Variants in SAMD5 observed in about 807,000 individuals in gnomAD.
The protein encoded by SAMD5 is sterile alpha motif domain containing 5.
SAMD5 carries 13 observed loss-of-function variants against 11.3 expected under a neutral mutation model. That is an observed-to-expected ratio of 1.15 (90% CI 0.75 to 1.83). The LOEUF (loss-of-function observed/expected upper bound fraction) is 1.83, where lower values mean the gene tolerates loss of function less well. Among genes scored for constraint, SAMD5 ranks in the 40% most tolerant of loss-of-function variants. The probability of loss-of-function intolerance (pLI) is 0.00; values close to 1 mark genes in which losing one functional copy is unlikely to be tolerated. For synonymous variants in SAMD5, 129 were observed against 111.3 expected (o/e 1.16, Z -1.00); for missense variants, 255 against 239.1 (o/e 1.07, Z -0.44).
intron 1 of SAMD5, among the ~76,000 whole-genome samples, chr6:147,673,315 G>A (rs777093428): frequency 2.6e-5 from 4 of 151,856 alleles, no homozygotes; most frequent in African/African-American, 4.8e-5. Context: ...CTGGGTTCAC[G>A]CCATTCTCCT....
the SAMD5 span, among the ~76,000 whole-genome samples, chr6:147,865,927 G>A: frequency 0.78 from 119,197 of 152,100 alleles, 46,978 homozygotes; most frequent in African/African-American, 0.87. Flanking sequence ...TATTTGAATA[G>A]TAAGCACAAT....
At chr6:147,851,620 A>G in the SAMD5 span, among the ~76,000 whole-genome samples, 1 of 152,150 alleles carries the variant, frequency 6.6e-6, no homozygotes. Context: ...TGATTTTTTT[A>G]TGACCAGGCT....
At chr6:147,868,976 G>A in the SAMD5 span, among the ~76,000 whole-genome samples, 43 of 152,182 alleles carry the variant, frequency 2.8e-4, no homozygotes, top group African/African-American at 9.9e-4. Context: ...TGATGGAAAG[G>A]GGAATTAAGA....
chr6:147,572,803 T>C (rs558336070), downstream of SAMD5, among the ~76,000 whole-genome samples: 1 of 152,240 alleles, frequency 6.6e-6, no homozygotes, highest in Non-Finnish European at 1.5e-5. Flanking sequence ...TGATGTGTCT[T>C]GCACAAACCC....
rs1329763323 is a variant in SAMD5 at position 147,566,953 on chromosome 6, AT to A, written c.*2502del. ...TATCTAAACACCAATAATATACTTAATTTTTGAATATAAAAGAAGTAGCAAT... is the reference window on the plus strand; with the variant it reads ...TATCTAAACACCAATAATATACTTAATTTTGAATATAAAAGAAGTAGCAAT... On this transcript the variant is annotated 3_prime_UTR_variant, in exon 2 of 2. Transcript: ENST00000367474. The A allele has an allele frequency of 3.5e-6, 3 of 860,428 alleles. No homozygotes were observed. Among genetic ancestry groups the A allele is most frequent in the Non-Finnish European group, 4.2e-6 (3 of 716,508 alleles). The allele number at this position is 860,428 out of a possible 1,614,324, so 53.3% of individuals were successfully genotyped here. A position where few individuals can be genotyped will look rare whatever the true frequency, so the allele number is the denominator to read the frequency against.
chr6:147,786,152 G>T, the SAMD5 span, among the ~76,000 whole-genome samples: 12 of 152,238 alleles, frequency 7.9e-5, no homozygotes, highest in Admixed American at 2.0e-4. Context: ...TTCATCTCTA[G>T]CTTTCTTGTT....
the SAMD5 span, among the ~76,000 whole-genome samples, chr6:147,790,781 TCTCTCTCTCTCTC>T: frequency 1.3e-5 from 1 of 78,972 alleles, no homozygotes; most frequent in Non-Finnish European, 2.9e-5. Context: ...TCTCTCTCTC[TCTCTCTCTCTCTC>T]TCTCTCTCTC....
At chr6:147,830,548 G>T in the SAMD5 span, among the ~76,000 whole-genome samples, 2 of 151,916 alleles carry the variant, frequency 1.3e-5, no homozygotes, top group Admixed American at 6.6e-5. Context: ...GAGCCACCGC[G>T]CCCGGCCCCA....
chr6:147,755,923 T>C, the SAMD5 span, among the ~76,000 whole-genome samples: 1 of 152,282 alleles, frequency 6.6e-6, no homozygotes, highest in East Asian at 1.9e-4. Flanking sequence ...ATGAATGCTT[T>C]TCATTTCAAA....
chr6:147,938,914 A>G, the SAMD5 span, among the ~76,000 whole-genome samples: 4 of 146,006 alleles, frequency 2.7e-5, no homozygotes, highest in Admixed American at 2.8e-4. Context: ...CAGTTCTCAC[A>G]TGAACCCCAC....
At chr6:147,852,723 C>T in the SAMD5 span, among the ~76,000 whole-genome samples, 8 of 152,234 alleles carry the variant, frequency 5.3e-5, no homozygotes, top group South Asian at 6.2e-4. Context: ...GGAGTGGTCA[C>T]GATGAGCAAT....
the SAMD5 span, among the ~76,000 whole-genome samples, chr6:147,896,755 A>AC: frequency 1.4e-5 from 2 of 142,458 alleles, no homozygotes; most frequent in African/African-American, 2.8e-5. Flanking sequence ...AAAAAAAAAA[A>AC]AAAAAAAACG....
Position 147,560,259 on chromosome 6 carries a change from C to T in SAMD5, c.460-4135C>T, listed in dbSNP as rs1396892463. ...ACCTTTCTTGGTCCTATAGTAACAG[C>T]CAGTGTAACGTAGCTGAATGTTGGA... On this transcript the variant is annotated intron_variant, in intron 1 of 1. Coordinates refer to ENST00000367474, the MANE Select transcript of SAMD5 (RefSeq NM_001030060.3). Among the ~76,000 whole-genome samples, 3 of 152,210 alleles carry T rather than the reference C, an allele frequency of 2.0e-5. No homozygotes were observed. In the East Asian group the frequency reaches 5.8e-4, roughly 29 times the overall value.
the SAMD5 span, among the ~76,000 whole-genome samples, chr6:147,762,843 G>A: frequency 6.6e-6 from 1 of 152,174 alleles, no homozygotes; most frequent in Non-Finnish European, 1.5e-5. Context: ...GATGGGTACA[G>A]TAAAATATAA....
the SAMD5 span, among the ~76,000 whole-genome samples, chr6:147,760,441 G>T: frequency 6.6e-6 from 1 of 152,008 alleles, no homozygotes; most frequent in African/African-American, 2.4e-5. Context: ...TAGATAAAAG[G>T]AAGTAACAAA....
In SAMD5 at chr6:147,615,157, C is replaced by T. The variant is rs1015676469; in HGVS notation, c.162+105770C>T. Among the ~76,000 whole-genome samples, 2 of 150,662 alleles carry T rather than the reference C, an allele frequency of 1.3e-5. 1 individual carries two copies. Among genetic ancestry groups the T allele is most frequent in the African/African-American group, 5.0e-5 (2 of 40,092 alleles). ...GACTTGAGCATCTTGGAACCAATCC[C>T]CCACAGATATCGAAGGATGACTGTA... On this transcript the variant is annotated intron_variant, in intron 1 of 1. Coordinates refer to the SAMD5 transcript ENST00000566741.
intron 1 of SAMD5, among the ~76,000 whole-genome samples, chr6:147,736,054 T>G (rs1441281323): frequency 6.6e-6 from 1 of 152,202 alleles, no homozygotes; most frequent in Non-Finnish European, 1.5e-5. Flanking sequence ...ACCATAATAC[T>G]TGGCACAGTT....
intron 1 of SAMD5, among the ~76,000 whole-genome samples, chr6:147,679,195 T>C (rs1790906300): frequency 6.6e-6 from 1 of 152,182 alleles, no homozygotes; most frequent in South Asian, 2.1e-4. Context: ...CTGGATCGAA[T>C]AGTGGGTCTA....
intron 1 of SAMD5, among the ~76,000 whole-genome samples, chr6:147,704,218 A>G (rs906607234): frequency 3.9e-5 from 6 of 152,232 alleles, no homozygotes; most frequent in African/African-American, 1.4e-4. Flanking sequence ...CTTTAGTTGA[A>G]ACACCTTAGT....
Sources: gnomAD v4.1 joint callset for allele counts (sites outside exome capture counted in the v4.1 genomes callset) on GRCh38, gnomAD v4.1.1 for gene constraint, MANE v1.5 for transcripts, NCBI Gene and HGNC (gene_info 2026-07-23, HGNC 2026-07-21) for gene names.